Variants in DHTKD1 observed in about 807,000 individuals in gnomAD.
The protein encoded by DHTKD1 is dehydrogenase E1 and transketolase domain containing 1.
A neutral mutation model predicts 101.8 loss-of-function variants in DHTKD1; 78 were observed. The ratio of observed to expected loss-of-function variants is 0.77; its 90% CI spans 0.64 to 0.93. The LOEUF is 0.93. Among genes scored for constraint, DHTKD1 ranks in the 40% least tolerant of loss-of-function variants. The probability of loss-of-function intolerance (pLI) is 0.00; values close to 1 mark genes in which losing one functional copy is unlikely to be tolerated. For synonymous variants in DHTKD1, 462 were observed against 450.3 expected (o/e 1.03, Z -0.33); for missense variants, 1,223 against 1,161.7 (o/e 1.05, Z -0.77).
chr10:12,074,944 G>A (rs1230222025), intron 1 of DHTKD1, among the ~76,000 whole-genome samples: 1 of 151,988 alleles, frequency 6.6e-6, no homozygotes, highest in Non-Finnish European at 1.5e-5. Context: ...TGGCCAACAT[G>A]GTGAAATCCC....
intron 1 of DHTKD1, among the ~76,000 whole-genome samples, chr10:12,072,669 A>T (rs1832669170): frequency 6.6e-6 from 1 of 151,450 alleles, no homozygotes; most frequent in South Asian, 2.1e-4. Context: ...AGGAAACTTG[A>T]ATTTATTTAT....
chr10:12,118,877 AT>A lies in DHTKD1; in HGVS notation c.2533del (p.Ser845LeufsTer6). On this transcript the variant is annotated frameshift_variant, in exon 15 of 17. Transcript: ENST00000263035. LOFTEE classifies it high-confidence loss of function. ...GAGGAACTCTGCCCCTTCCCGTTGG[AT>A]TCTTTACAGCAAGAGATGAGCAAAT... The part of the protein sequence containing the change: ...RVEELCPFPL[D>X]SLQQEMSKYK... 2 of 1,604,664 alleles carry A rather than the reference AT, an allele frequency of 1.2e-6. No individual in the cohort carries two copies. Among genetic ancestry groups the A allele is most frequent in the Non-Finnish European group, 8.5e-7 (1 of 1,176,070 alleles).
At chr10:12,088,621 T>A (rs2131357987) in intron 4 of DHTKD1, among the ~76,000 whole-genome samples, 1 of 152,254 alleles carries the variant, frequency 6.6e-6, no homozygotes, top group Non-Finnish European at 1.5e-5. Context: ...TCTCGCTCTG[T>A]CACCCAGGCT....
intron 7 of DHTKD1, among the ~76,000 whole-genome samples, chr10:12,097,316 A>G (rs1415491208): frequency 6.6e-6 from 1 of 152,036 alleles, no homozygotes; most frequent in Non-Finnish European, 1.5e-5. Flanking sequence ...TTTGTTGCCT[A>G]GGCTGGAGTG....
Position 12,086,805 on chromosome 10 carries a change from C to G in DHTKD1, c.523-730C>G, listed in dbSNP as rs376410226. ...TCCTGGACTCAAGCAATTCTCCTGC[C>G]TCAGCCTCCTGAGTAGCTGGGATTA... On this transcript the variant is annotated intron_variant, in intron 3 of 16. Transcript: ENST00000263035. Among the ~76,000 whole-genome samples, 353 of 152,226 alleles carry G rather than the reference C, an allele frequency of 2.3e-3. 1 individual carries two copies. The highest frequency in any genetic ancestry group is 8.3e-3 in the African/African-American group (343 of 41,544).
chr10:12,073,550 T>C (rs1832680145), intron 1 of DHTKD1, among the ~76,000 whole-genome samples: 1 of 152,162 alleles, frequency 6.6e-6, no homozygotes, highest in African/African-American at 2.4e-5. Context: ...TTTCACATGT[T>C]GGCCAGGCTA....
At position 12,121,866 on chromosome 10, in the gene DHTKD1, T is replaced by A. The variant is rs115013003; in HGVS notation, c.*978T>A. 385 of 152,318 alleles carry A rather than the reference T, an allele frequency of 2.5e-3. 1 individual carries two copies. Among genetic ancestry groups the A allele is most frequent in the African/African-American group, 8.9e-3 (370 of 41,576 alleles). The allele number at this position is 152,318 out of a possible 1,614,324, so 9.4% of individuals were successfully genotyped here. A position where few individuals can be genotyped will look rare whatever the true frequency, so the allele number is the denominator to read the frequency against. ...TCAGACTTGACCCTAATTGACCATA[T>A]ATGACCAGGAAACACTTCTGAGTTT... On this transcript the variant is annotated 3_prime_UTR_variant, in exon 17 of 17. Coordinates refer to ENST00000263035, the MANE Select transcript of DHTKD1 (RefSeq NM_018706.7).
chr10:12,116,701 C>CT (rs1160066902), intron 13 of DHTKD1, among the ~76,000 whole-genome samples: 1,879 of 142,338 alleles, frequency 0.013, 41 homozygotes, highest in African/African-American at 0.042. Flanking sequence ...TTTTTCTTTT[C>CT]TTTTTTTTTT....
At position 12,120,071 on chromosome 10, in the gene DHTKD1, C is replaced by A. The variant is rs1833499962; in HGVS notation, c.2573-111C>A. 21 of 768,002 alleles carry A rather than the reference C, an allele frequency of 2.7e-5. No individual in the cohort carries two copies. In the East Asian group the frequency reaches 5.3e-4, roughly 19 times the overall value. 47.6% of individuals were successfully genotyped at this position (768,002 alleles called of 1,614,324 possible). On this transcript the variant is annotated intron_variant, in intron 15 of 16. Coordinates refer to ENST00000263035, the MANE Select transcript of DHTKD1 (RefSeq NM_018706.7). ...GTACAGTTTCTAGTGAATGTGAATCCCTTTCACACCATCGTAAAGTTGAAA... is the reference window on the plus strand; with the variant it reads ...GTACAGTTTCTAGTGAATGTGAATCACTTTCACACCATCGTAAAGTTGAAA...
intron 5 of DHTKD1, among the ~76,000 whole-genome samples, chr10:12,089,969 C>T (rs1168901459): frequency 1.5e-5 from 1 of 67,728 alleles, no homozygotes; most frequent in Non-Finnish European, 3.8e-5. Context: ...CTATACCTAG[C>T]CTATTTTTTT....
In DHTKD1 at chr10:12,117,659, C is replaced by G. The variant is rs1311238367; in HGVS notation, c.2320-14C>G. On this transcript the variant is annotated splice_polypyrimidine_tract_variant and intron_variant, in intron 13 of 16. Coordinates refer to ENST00000263035, the MANE Select transcript of DHTKD1 (RefSeq NM_018706.7). The stretch of plus-strand genomic sequence containing the variant: ...CTGTTGCTTGCTGGATGTGTGGCCT[C>G]TTCTCCCTCGTAGGCAGCCGTGTCA... 1.3e-6 allele frequency: 2 copies of G among 1,547,800 alleles called. No homozygotes were observed. Among genetic ancestry groups the G allele is most frequent in the Non-Finnish European group, 1.8e-6 (2 of 1,127,584 alleles).
chr10:12,097,719 A>G lies in DHTKD1; in HGVS notation c.1394A>G (p.His465Arg). The change falls in exon 8 of 17, where the codon CAC becomes CGC. Residue 465 changes from histidine to arginine, a missense_variant. His to Arg is a conservative substitution (Grantham distance 29). Coordinates refer to ENST00000263035, the MANE Select transcript of DHTKD1 (RefSeq NM_018706.7). ...RKSIPDTYAE[H>R]LIAGGLMTQE... ...AGCATTCCAGACACATATGCAGAGC[A>G]CCTCATTGCTGGCGGACTCATGACG... 1.2e-6 allele frequency: 2 copies of G among 1,614,034 alleles called. No individual in the cohort carries two copies. Among genetic ancestry groups the G allele is most frequent in the South Asian group, 1.1e-5 (1 of 91,068 alleles).
At chr10:12,085,000 G>A (rs1452339291) in intron 3 of DHTKD1, among the ~76,000 whole-genome samples, 1 of 151,982 alleles carries the variant, frequency 6.6e-6, no homozygotes, top group Non-Finnish European at 1.5e-5. Flanking sequence ...GCAGTGAGCC[G>A]AGATTGCGCC....
At chr10:12,120,382 G>A in intron 16 of DHTKD1, 115 bp downstream of exon 16, 5 of 863,354 alleles carry the variant, frequency 5.8e-6, no homozygotes, top group Non-Finnish European at 9.0e-6. Context: ...TGCCCAGGCT[G>A]GAGTGCAGTG....
intron 5 of DHTKD1, among the ~76,000 whole-genome samples, chr10:12,090,816 A>G (rs1175293052): frequency 6.6e-6 from 1 of 152,128 alleles, no homozygotes; most frequent in African/African-American, 2.4e-5. Context: ...AGAAATCTTG[A>G]AATCATTAGC....
rs190282994 is a variant in DHTKD1, at chr10:12,086,795, A to G, written c.523-740A>G. Among the ~76,000 whole-genome samples the G allele has an allele frequency of 1.2e-3, 185 of 152,118 alleles. 1 individual carries two copies. Among genetic ancestry groups the G allele is most frequent in the African/African-American group, 4.3e-3 (178 of 41,504 alleles). On this transcript the variant is annotated intron_variant, in intron 3 of 16. Coordinates refer to ENST00000263035, the MANE Select transcript of DHTKD1 (RefSeq NM_018706.7). ...AACCTCCGCCTCCTGGACTCAAGCA[A>G]TTCTCCTGCCTCAGCCTCCTGAGTA...
At position 12,121,538 on chromosome 10, in the gene DHTKD1, T is replaced by C. The variant is rs1323150112; in HGVS notation, c.*650T>C. On this transcript the variant is annotated 3_prime_UTR_variant, in exon 17 of 17. Coordinates refer to ENST00000263035, the MANE Select transcript of DHTKD1 (RefSeq NM_018706.7). ...ACTTTGGGAGGCTTAGGCGGCTGGA[T>C]CACCTGAGGTCAGGAGTTCAAGACC... 2 of 152,368 alleles carry C rather than the reference T, an allele frequency of 1.3e-5. No individual in the cohort carries two copies. The highest frequency in any genetic ancestry group is 4.8e-5 in the African/African-American group (2 of 41,464). The allele number at this position is 152,368 out of a possible 1,614,324, so 9.4% of individuals were successfully genotyped here.
At chr10:12,069,684 C>CCT (rs1832624105) in intron 1 of DHTKD1, among the ~76,000 whole-genome samples, 1 of 25,478 alleles carries the variant, frequency 3.9e-5, no homozygotes, top group Non-Finnish European at 7.1e-5. Flanking sequence ...CCACGCCCAG[C>CCT]TTTTTTTTTT....
At position 12,103,491 on chromosome 10, in the gene DHTKD1, C is replaced by CTGTGTGTGTGTG. The variant is rs55809304; in HGVS notation, c.1896+2336_1896+2347dup. Among the ~76,000 whole-genome samples the CTGTGTGTGTGTG allele has an allele frequency of 0.065, 9,396 of 144,864 alleles. 394 individuals carry two copies. The highest frequency in any genetic ancestry group is 0.099 in the Non-Finnish European group (6,571 of 66,110). Reference sequence around the variant, plus strand: ...CCCCAACTTCGTTGTACATCTCAATCTGTGTGTGTGTGTGTGTGTGTGTGT... The same window carrying CTGTGTGTGTGTG: ...CCCCAACTTCGTTGTACATCTCAATCTGTGTGTGTGTGTGTGTGTGTGTGTGTGTGTGTGTGT... On this transcript the variant is annotated intron_variant, in intron 10 of 16. Transcript: ENST00000263035. The surrounding 1 kb of genome is among the most constrained non-coding windows in gnomAD (Gnocchi z 4.8).
Sources: allele counts gnomAD v4.1 joint callset (sites outside exome capture counted in the v4.1 genomes callset), GRCh38; gene constraint gnomAD v4.1.1; non-coding constraint Gnocchi (gnomAD v3.1); transcripts MANE v1.5; gene names NCBI Gene and HGNC (gene_info 2026-07-23, HGNC 2026-07-21).